Variants in RABGAP1L observed in about 807,000 individuals in gnomAD.
RABGAP1L encodes the protein rab GTPase-activating protein 1-like.
A neutral mutation model predicts 137.7 loss-of-function variants in RABGAP1L; 63 were observed. That is an observed-to-expected ratio of 0.46 (90% CI 0.37 to 0.56). The LOEUF is 0.56. RABGAP1L is among the 20% of genes least tolerant of loss of function. RABGAP1L has a pLI of 0.00. For missense variants in RABGAP1L, 1,095 were observed against 1,244.0 expected (o/e 0.88, Z 1.80); for synonymous variants, 431 against 433.7 (o/e 0.99, Z 0.08).
At chr1:174,586,677 A>G (rs1025456908) in intron 13 of RABGAP1L, among the ~76,000 whole-genome samples, 4 of 152,170 alleles carry the variant, frequency 2.6e-5, no homozygotes, top group African/African-American at 4.8e-5. Context: ...GGCTCACTGC[A>G]ACCTCCACCT....
At chr1:174,349,434 G>A (rs1457129946) in intron 11 of RABGAP1L, among the ~76,000 whole-genome samples, 24 of 113,636 alleles carry the variant, frequency 2.1e-4, no homozygotes, top group African/African-American at 3.6e-4. Flanking sequence ...CCTCCCGGAC[G>A]AGGCGGCTGG....
chr1:174,866,771 G>C (rs1461226386), intron 19 of RABGAP1L, among the ~76,000 whole-genome samples: 1 of 151,896 alleles, frequency 6.6e-6, no homozygotes, highest in Non-Finnish European at 1.5e-5. Context: ...AAATGAGCCA[G>C]GCTTGGTAGT....
intron 13 of RABGAP1L, among the ~76,000 whole-genome samples, chr1:174,611,593 A>C (rs1054781752): frequency 6.6e-6 from 1 of 150,480 alleles, no homozygotes; most frequent in Non-Finnish European, 1.5e-5. Context: ...TTCTGTGAAG[A>C]AAGTCATTGG....
At chr1:174,667,200 G>A (rs1312534774) in intron 14 of RABGAP1L, among the ~76,000 whole-genome samples, 1 of 152,078 alleles carries the variant, frequency 6.6e-6, no homozygotes, top group Admixed American at 6.5e-5. Flanking sequence ...AAAGGATTAA[G>A]CCTCCCTTGA....
At chr1:174,244,079 CTGA>C (rs1672052594) in intron 5 of RABGAP1L, among the ~76,000 whole-genome samples, 1 of 152,146 alleles carries the variant, frequency 6.6e-6, no homozygotes, top group African/African-American at 2.4e-5. Flanking sequence ...TGTAATTAAT[CTGA>C]AGTCTTCTAG....
At chr1:174,300,928 T>C (rs1189485181) in intron 10 of RABGAP1L, among the ~76,000 whole-genome samples, 1 of 152,188 alleles carries the variant, frequency 6.6e-6, no homozygotes, top group Non-Finnish European at 1.5e-5. Context: ...GAACTCACCA[T>C]AGTGACACAG....
Position 174,831,279 on chromosome 1 carries a change from G to A in RABGAP1L, c.2340+19319G>A, listed in dbSNP as rs1324809376. ...ATTAAAGACTAAGAGAGTACTCCGA[G>A]TCTCCCAAAGTACCTACATTCTTAG... is the stretch of plus-strand genomic sequence containing the variant. On this transcript the variant is annotated intron_variant, in intron 19 of 25. Coordinates refer to ENST00000681986, the MANE Select transcript of RABGAP1L (RefSeq NM_001366446.1). Among the ~76,000 whole-genome samples, 6 of 148,074 alleles carry A rather than the reference G, an allele frequency of 4.1e-5. 1 individual carries two copies. The highest frequency in any genetic ancestry group is 9.0e-5 in the Non-Finnish European group (6 of 66,656).
At chr1:174,673,960 C>A (rs1218596096) in intron 14 of RABGAP1L, among the ~76,000 whole-genome samples, 1 of 151,956 alleles carries the variant, frequency 6.6e-6, no homozygotes, top group East Asian at 1.9e-4. Flanking sequence ...CATAGTATGT[C>A]TTCCTCAAGG....
intron 11 of RABGAP1L, among the ~76,000 whole-genome samples, chr1:174,325,255 T>C (rs1680335982): frequency 6.6e-6 from 1 of 152,246 alleles, no homozygotes. Flanking sequence ...AAAGTAATTT[T>C]AGCATCGTGG....
chr1:174,774,996 T>A (rs1377502466), intron 18 of RABGAP1L, among the ~76,000 whole-genome samples: 1 of 152,224 alleles, frequency 6.6e-6, no homozygotes, highest in Non-Finnish European at 1.5e-5. Flanking sequence ...CTCAGTTACA[T>A]AAGATCACTC....
Position 174,757,844 on chromosome 1 carries a change from C to T in RABGAP1L, c.2211+5490C>T, listed in dbSNP as rs12080454. 2.5e-3 allele frequency among the ~76,000 whole-genome samples: 381 copies of T among 151,782 alleles called. 1 individual carries two copies. The highest frequency in any genetic ancestry group is 8.7e-3 in the African/African-American group (360 of 41,414). ...TTCGAGACCAGCCTGGCCAACATGA[C>T]GAAACCCCGTCTCTACTAAAAATAC... On this transcript the variant is annotated intron_variant, in intron 18 of 25. Transcript: ENST00000681986.
At chr1:174,966,170 C>T (rs1273878149) in intron 20 of RABGAP1L, among the ~76,000 whole-genome samples, 1 of 152,146 alleles carries the variant, frequency 6.6e-6, no homozygotes. Context: ...ACCTGAAAAA[C>T]TGGTAGTGGC....
At chr1:174,650,919 G>T (rs1212086120) in intron 14 of RABGAP1L, among the ~76,000 whole-genome samples, 1 of 143,058 alleles carries the variant, frequency 7.0e-6, no homozygotes, top group South Asian at 2.2e-4. Flanking sequence ...TCTTTTAATT[G>T]TGATGTTAGG....
Position 174,423,974 on chromosome 1 carries a change from C to A in RABGAP1L, c.1710+29829C>A, listed in dbSNP as rs73038687. On this transcript the variant is annotated intron_variant, in intron 13 of 25. Transcript: ENST00000681986. ...GAGGCAAATGATCTGACAAGTTAGC[C>A]CCCTTGTTTCTAAAGGAAAAATTGC... is the stretch of plus-strand genomic sequence containing the variant. 5.3e-3 allele frequency among the ~76,000 whole-genome samples: 807 copies of A among 152,066 alleles called. 10 individuals carry two copies. The highest frequency in any genetic ancestry group is 0.018 in the African/African-American group (766 of 41,502).
At chr1:174,611,271 C>G (rs377119621) in intron 13 of RABGAP1L, among the ~76,000 whole-genome samples, 2 of 150,144 alleles carry the variant, frequency 1.3e-5, no homozygotes, top group Non-Finnish European at 1.5e-5. Context: ...GCTTTCTACA[C>G]ATGGCTAGCC....
rs556225779 is a variant in RABGAP1L, at chr1:174,177,054, C to T, written c.-34+17397C>T. On this transcript the variant is annotated intron_variant, in intron 1 of 25. Transcript: ENST00000681986. Reference sequence around the variant, plus strand: ...TAACACCACTGGACTCCAGCCTGGGCGACAGAGTGAGACCCTCTCTCAAAA... The same window carrying T: ...TAACACCACTGGACTCCAGCCTGGGTGACAGAGTGAGACCCTCTCTCAAAA... Among the ~76,000 whole-genome samples the T allele has an allele frequency of 6.6e-5, 10 of 152,228 alleles. No homozygotes were observed. The South Asian group carries it at 1.2e-3, about 19-fold the overall frequency.
intron 13 of RABGAP1L, among the ~76,000 whole-genome samples, chr1:174,525,205 C>T (rs1443931695): frequency 6.6e-6 from 1 of 151,762 alleles, no homozygotes; most frequent in Non-Finnish European, 1.5e-5. Context: ...TTATAGGGAT[C>T]GAATTAAATT....
intron 15 of RABGAP1L, among the ~76,000 whole-genome samples, chr1:174,698,103 C>CT (rs1404336396): frequency 1.3e-5 from 2 of 152,138 alleles, no homozygotes; most frequent in Non-Finnish European, 2.9e-5. Context: ...TGAAGTTAGT[C>CT]TAACAAATGT....
intron 5 of RABGAP1L, among the ~76,000 whole-genome samples, chr1:174,249,104 T>G (rs1240116232): frequency 6.6e-6 from 1 of 152,158 alleles, no homozygotes; most frequent in Admixed American, 6.6e-5. Context: ...GAATATGAGC[T>G]ATACACACAA....
Sources: allele counts gnomAD v4.1 joint callset (sites outside exome capture counted in the v4.1 genomes callset), GRCh38; gene constraint gnomAD v4.1.1; transcripts MANE v1.5; gene names NCBI Gene and HGNC (gene_info 2026-07-23, HGNC 2026-07-21).